Variants in PPM1H observed in about 807,000 individuals in gnomAD.
PPM1H encodes protein phosphatase, Mg2+/Mn2+ dependent 1H.
In PPM1H, 27 loss-of-function variants were observed where a neutral mutation model predicts 54.9. The ratio of observed to expected loss-of-function variants is 0.49; its 90% CI spans 0.36 to 0.68. The LOEUF (loss-of-function observed/expected upper bound fraction) is 0.68. Ranked by LOEUF, PPM1H falls within the 30% of genes least tolerant of loss-of-function variation. The pLI is 0.00. For synonymous variants in PPM1H, 305 were observed against 270.8 expected (o/e 1.13, Z -1.24); for missense variants, 596 against 667.8 (o/e 0.89, Z 1.19).
chr12:62,660,459 C>T (rs1254545858), intron 9 of PPM1H, among the ~76,000 whole-genome samples: 2 of 152,100 alleles, frequency 1.3e-5, no homozygotes, highest in Non-Finnish European at 2.9e-5. Context: ...GCTATATTAA[C>T]CCAAATAGCA....
intron 2 of PPM1H, among the ~76,000 whole-genome samples, chr12:62,822,349 A>G (rs1360603024): frequency 6.6e-6 from 1 of 152,234 alleles, no homozygotes; most frequent in Non-Finnish European, 1.5e-5. Context: ...TCAATGAGAC[A>G]GAAGGTTAAC....
chr12:62,915,411 G>A (rs1470570379), intron 1 of PPM1H, among the ~76,000 whole-genome samples: 1 of 152,222 alleles, frequency 6.6e-6, no homozygotes, highest in East Asian at 1.9e-4. Context: ...ATGGTTGGAG[G>A]GCTTTGGGCA....
intron 1 of PPM1H, among the ~76,000 whole-genome samples, chr12:62,902,441 A>G (rs1871187433): frequency 6.6e-6 from 1 of 152,202 alleles, no homozygotes; most frequent in Non-Finnish European, 1.5e-5. Context: ...AACAGTTTAC[A>G]AAGTTGAGAT....
chr12:62,762,417 G>A (rs935664108), intron 4 of PPM1H, among the ~76,000 whole-genome samples: 3 of 152,164 alleles, frequency 2.0e-5, no homozygotes, highest in Non-Finnish European at 4.4e-5. Flanking sequence ...TCAGAAGCTC[G>A]CCTTCCTCCA....
rs7966542 is a variant in PPM1H at position 62,911,313 on chromosome 12, C to A, written c.245+23179G>T. On this transcript the variant is annotated intron_variant, in intron 1 of 9. Transcript: ENST00000228705. ...GAGTTTGTCAAATTTTTAAACCCTA[C>A]GATGTAAAAGTTCTCCTTAATGTCC... Among the ~76,000 whole-genome samples the A allele has an allele frequency of 6.6e-3, 999 of 152,246 alleles. 9 individuals are homozygous for A. Among genetic ancestry groups the A allele is most frequent in the African/African-American group, 0.023 (964 of 41,542 alleles).
chr12:62,778,707 T>C (rs887725593), intron 4 of PPM1H, among the ~76,000 whole-genome samples: 29 of 152,072 alleles, frequency 1.9e-4, no homozygotes, highest in Admixed American at 5.9e-4. Context: ...TCCTAACACT[T>C]TGGGAGGCGA....
At chr12:62,851,324 A>G (rs1249859533) in intron 1 of PPM1H, among the ~76,000 whole-genome samples, 1 of 152,230 alleles carries the variant, frequency 6.6e-6, no homozygotes, top group Non-Finnish European at 1.5e-5. Context: ...ATTCTGAGTC[A>G]ATTAACATCA....
At chr12:62,905,638 G>A (rs779216344) in intron 1 of PPM1H, among the ~76,000 whole-genome samples, 1 of 152,130 alleles carries the variant, frequency 6.6e-6, no homozygotes, top group African/African-American at 2.4e-5. Flanking sequence ...ATGAACATCA[G>A]GAACTTAGTA....
chr12:62,806,498 C>T (rs1365004493), intron 2 of PPM1H, among the ~76,000 whole-genome samples: 1 of 152,170 alleles, frequency 6.6e-6, no homozygotes, highest in African/African-American at 2.4e-5. Flanking sequence ...TGTCCTCTGC[C>T]AAATCTCAGG....
At chr12:62,842,496 G>A (rs903090904) in intron 1 of PPM1H, among the ~76,000 whole-genome samples, 7 of 152,284 alleles carry the variant, frequency 4.6e-5, no homozygotes, top group Middle Eastern at 3.4e-3. Context: ...ACAGACTTCA[G>A]ATAAAACATA....
intron 1 of PPM1H, among the ~76,000 whole-genome samples, chr12:62,838,371 C>T (rs374668854): frequency 6.0e-5 from 9 of 150,850 alleles, no homozygotes; most frequent in Admixed American, 2.0e-4. Flanking sequence ...TATGGAAGAC[C>T]AAATAAAGCT....
At chr12:62,750,314 A>G (rs1474662744) in intron 4 of PPM1H, among the ~76,000 whole-genome samples, 1 of 152,180 alleles carries the variant, frequency 6.6e-6, no homozygotes, top group Non-Finnish European at 1.5e-5. Flanking sequence ...GCAAATACTA[A>G]TCTACTTTGT....
chr12:62,659,291 A>AAAAAAAG (rs2075868285), intron 9 of PPM1H: 8 of 485,236 alleles, frequency 1.6e-5, no homozygotes, highest in South Asian at 1.4e-4. Flanking sequence ...AAAAAAAAAA[A>AAAAAAAG]GAGAAAAACT....
At chr12:62,655,001 G>T (rs2075836381) in intron 9 of PPM1H, among the ~76,000 whole-genome samples, 1 of 152,188 alleles carries the variant, frequency 6.6e-6, no homozygotes, top group African/African-American at 2.4e-5. Flanking sequence ...TTGTCCAAGA[G>T]CAGTGTGCGT....
intron 1 of PPM1H, among the ~76,000 whole-genome samples, chr12:62,895,948 C>A (rs1870972825): frequency 6.6e-6 from 1 of 152,080 alleles, no homozygotes; most frequent in Admixed American, 6.5e-5. Context: ...AATAAATAGA[C>A]TAAGAGACCC....
At chr12:62,779,039 T>G (rs1009063927) in intron 4 of PPM1H, among the ~76,000 whole-genome samples, 6 of 147,804 alleles carry the variant, frequency 4.1e-5, no homozygotes, top group African/African-American at 1.6e-4. Context: ...TTGTTTGTTG[T>G]TTTTTGCTTT....
intron 1 of PPM1H, among the ~76,000 whole-genome samples, chr12:62,879,156 C>T (rs1392201542): frequency 2.0e-5 from 3 of 152,186 alleles, no homozygotes; most frequent in East Asian, 3.9e-4. Context: ...CAATGAGTCA[C>T]CGTTTAGCAG....
intron 8 of PPM1H, among the ~76,000 whole-genome samples, chr12:62,673,027 T>C (rs375131725): frequency 6.6e-6 from 1 of 152,236 alleles, no homozygotes; most frequent in Non-Finnish European, 1.5e-5. Context: ...ACTGAGACAC[T>C]TCCAAATCGT....
chr12:62,723,883 C>A (rs1335833883), intron 5 of PPM1H, among the ~76,000 whole-genome samples: 1 of 152,138 alleles, frequency 6.6e-6, no homozygotes, highest in Non-Finnish European at 1.5e-5. Context: ...CCTCCAATCA[C>A]AGTACCTGGG....
Sources: allele counts gnomAD v4.1 joint callset (sites outside exome capture counted in the v4.1 genomes callset), GRCh38; gene constraint gnomAD v4.1.1; transcripts MANE v1.5; gene names NCBI Gene and HGNC (gene_info 2026-07-23, HGNC 2026-07-21).